Variants in NOL9 observed in about 807,000 individuals in gnomAD.
NOL9 encodes polynucleotide 5'-hydroxyl-kinase NOL9.
A neutral mutation model predicts 67.9 loss-of-function variants in NOL9; 28 were observed. The observed-to-expected ratio is 0.41, with a 90% CI of 0.31 to 0.57. NOL9 has a LOEUF of 0.57. NOL9 is among the 20% of genes least tolerant of loss of function. The pLI is 0.25. For missense variants in NOL9, 777 were observed against 897.0 expected, an observed-to-expected ratio of 0.87 and a Z score of 1.71; for synonymous variants, 356 against 352.2, an observed-to-expected ratio of 1.01 and a Z score of -0.12.
In NOL9 at chr1:6,553,632, G is replaced by C. The variant is rs1204327200; in HGVS notation, c.396+475C>G. On this transcript the variant is annotated intron_variant, in intron 1 of 11. Transcript: ENST00000377705. ...CGAGGCGGGTGGATCACAAGGTCAG[G>C]AGATCGAGACTATCCTGGCTAACAT... Among the ~76,000 whole-genome samples, 12 of 151,994 alleles carry C rather than the reference G, an allele frequency of 7.9e-5. No individual in the cohort carries two copies. In the East Asian group the frequency reaches 1.9e-3, roughly 25 times the overall value.
Position 6,533,381 on chromosome 1 carries a change from CAAG to C in NOL9, c.1133_1135del (p.Ser378del), listed in dbSNP as rs1399375832. 16 of 1,613,142 alleles carry C rather than the reference CAAG, an allele frequency of 9.9e-6. No homozygotes were observed. Among genetic ancestry groups the C allele is most frequent in the African/African-American group, 5.3e-5 (4 of 74,912 alleles). On this transcript the variant is annotated inframe_deletion, in exon 7 of 12. Coordinates refer to ENST00000377705, the MANE Select transcript of NOL9 (RefSeq NM_024654.5). Reference sequence around the variant, plus strand: ...AATATAATTCTCATAGTTGTTTTTACAAGAAGGTTTCCCATAATATACCATCTT... The same window carrying C: ...AATATAATTCTCATAGTTGTTTTTACAAGGTTTCCCATAATATACCATCTT...
Position 6,554,503 on chromosome 1 carries a change from G to A in NOL9, c.-1C>T, listed in dbSNP as rs776144252. The A allele has an allele frequency of 5.2e-6, 8 of 1,534,376 alleles. No homozygotes were observed. Among genetic ancestry groups the A allele is most frequent in the Admixed American group, 4.1e-5 (2 of 49,176 alleles). ...TTAGCAGCAGTCCCGAGTCCGCCAT[G>A]CTGGGTCCTCAGGGCCTACCGCGCG... On this transcript the variant is annotated 5_prime_UTR_variant, in exon 1 of 12. Transcript: ENST00000377705.
chr1:6,535,508 T>C (rs1392825839), intron 6 of NOL9, among the ~76,000 whole-genome samples: 1 of 152,176 alleles, frequency 6.6e-6, no homozygotes, highest in African/African-American at 2.4e-5. Flanking sequence ...AGGAGCTCAG[T>C]AGACAGACAG....
chr1:6,553,701 G>C (rs1639594887), intron 1 of NOL9, among the ~76,000 whole-genome samples: 1 of 151,974 alleles, frequency 6.6e-6, no homozygotes, highest in Non-Finnish European at 1.5e-5. Context: ...ATATAGCCGG[G>C]CGAGGTGGCA....
At chr1:6,552,721 C>T (rs1248012332) in intron 1 of NOL9, among the ~76,000 whole-genome samples, 2 of 150,808 alleles carry the variant, frequency 1.3e-5, no homozygotes, top group African/African-American at 2.4e-5. Flanking sequence ...CCACCCACCT[C>T]AGCCTCCAAA....
chr1:6,542,765 T>C (rs1639327939), intron 5 of NOL9, among the ~76,000 whole-genome samples: 1 of 152,102 alleles, frequency 6.6e-6, no homozygotes. Flanking sequence ...CTAATTTTTG[T>C]ATTTTTAGCA....
chr1:6,542,219 T>TG (rs1317027281), intron 5 of NOL9, among the ~76,000 whole-genome samples: 3 of 150,578 alleles, frequency 2.0e-5, no homozygotes, highest in Non-Finnish European at 2.9e-5. Context: ...TGGGCTGCAG[T>TG]GCACAATCTC....
At chr1:6,542,041 A>G (rs1173128027) in intron 5 of NOL9, 114 bp from the exon 6 acceptor site, 2 of 557,278 alleles carry the variant, frequency 3.6e-6, no homozygotes, top group African/African-American at 1.9e-5. Context: ...TCCACCACAC[A>G]CAGCACTTTA....
Position 6,552,974 on chromosome 1 carries a change from G to A in NOL9, c.396+1133C>T, listed in dbSNP as rs190808271. 3.8e-3 allele frequency among the ~76,000 whole-genome samples: 571 copies of A among 152,230 alleles called. 1 individual carries two copies. Among genetic ancestry groups the A allele is most frequent in the Non-Finnish European group, 6.5e-3 (442 of 68,018 alleles). ...TTACAGGCGTGTGCTACCATGCCCAGCTAATTTTTGTATTTTTAGTAGAGA... is the reference window on the plus strand; with the variant it reads ...TTACAGGCGTGTGCTACCATGCCCAACTAATTTTTGTATTTTTAGTAGAGA... On this transcript the variant is annotated intron_variant, in intron 1 of 11. Coordinates refer to ENST00000377705, the MANE Select transcript of NOL9 (RefSeq NM_024654.5).
intron 6 of NOL9, among the ~76,000 whole-genome samples, chr1:6,536,474 G>A (rs545319748): frequency 6.6e-6 from 1 of 152,336 alleles, no homozygotes; most frequent in Admixed American, 6.5e-5. Context: ...TGAGGTTGCA[G>A]TAAGCTATGA....
intron 2 of NOL9, among the ~76,000 whole-genome samples, chr1:6,549,995 G>A (rs1359375249): frequency 1.3e-5 from 2 of 151,992 alleles, no homozygotes; most frequent in Non-Finnish European, 2.9e-5. Context: ...ATACCACAAC[G>A]TCCTTAGCAC....
chr1:6,529,050 T>C lies in NOL9; in HGVS notation c.1769A>G (p.Tyr590Cys), dbSNP rs902591112. The change falls in exon 10 of 12, where the codon TAC (tyrosine) becomes TGC (cysteine). Residue 590 changes from tyrosine to cysteine, a missense_variant. Transcript: ENST00000377705. The part of the protein sequence containing the change: ...LCKIQDDVRG[Y>C]TNGPILLAQT... ...GGCAAGCAGGATGGGCCCATTCGTG[T>C]ATCCTCTGACGTCATCCTGGATCTT... The C allele has an allele frequency of 3.7e-6, 6 of 1,614,148 alleles. No homozygotes were observed. The highest frequency in any genetic ancestry group is 4.2e-6 in the Non-Finnish European group (5 of 1,180,026).
At position 6,536,391 on chromosome 1, in the gene NOL9, G is replaced by C. The variant is rs184764694; in HGVS notation, c.1076-2950C>G. Among the ~76,000 whole-genome samples the C allele has an allele frequency of 9.2e-4, 140 of 152,168 alleles. 1 individual carries two copies. Among genetic ancestry groups the C allele is most frequent in the Non-Finnish European group, 1.9e-3 (126 of 68,004 alleles). ...AAATAAAAAAATAAAAGTTAGACAG[G>C]TGTGGTGGCTAATAATAGCTGTCAT... On this transcript the variant is annotated intron_variant, in intron 6 of 11. Coordinates refer to ENST00000377705, the MANE Select transcript of NOL9 (RefSeq NM_024654.5).
At position 6,541,812 on chromosome 1, in the gene NOL9, G is replaced by A. The variant is rs550814048; in HGVS notation, c.1075+18C>T. 2.8e-6 allele frequency: 4 copies of A among 1,445,302 alleles called. No homozygotes were observed. Among genetic ancestry groups the A allele is most frequent in the Non-Finnish European group, 3.8e-6 (4 of 1,058,138 alleles). The allele number at this position is 1,445,302 out of a possible 1,614,324, so 89.5% of individuals were successfully genotyped here. ...AATTTCATAAAACCAAGACATTTGA[G>A]AAATATGTAATACATACCCAGAACT... On this transcript the variant is annotated intron_variant, in intron 6 of 11. Transcript: ENST00000377705.
In NOL9 at chr1:6,550,622, G is replaced by A; in HGVS notation, c.397-7C>T. On this transcript the variant is annotated splice_polypyrimidine_tract_variant and splice_region_variant and intron_variant, in intron 1 of 11. Coordinates refer to ENST00000377705, the MANE Select transcript of NOL9 (RefSeq NM_024654.5). Reference sequence around the variant, plus strand: ...TCCCACTAAAAGTAAAACCCTAGCAGGGAGAGAAAACAGAAAAAACATTAT... The same window carrying A: ...TCCCACTAAAAGTAAAACCCTAGCAAGGAGAGAAAACAGAAAAAACATTAT... The A allele has an allele frequency of 6.2e-7, 1 of 1,605,870 alleles. No individual in the cohort carries two copies. Among genetic ancestry groups the A allele is most frequent in the Non-Finnish European group, 8.5e-7 (1 of 1,173,204 alleles).
intron 5 of NOL9, among the ~76,000 whole-genome samples, chr1:6,542,582 C>G (rs1456802436): frequency 4.6e-5 from 7 of 151,706 alleles, no homozygotes; most frequent in Non-Finnish European, 7.4e-5. Flanking sequence ...CTCAGCCTCC[C>G]AAGTAGCTGG....
rs1001328642 is a variant in NOL9 at position 6,526,890 on chromosome 1, G to A, written c.1826-61C>T. On this transcript the variant is annotated intron_variant, in intron 10 of 11. Transcript: ENST00000377705. Reference sequence around the variant, plus strand: ...TTGGAAAACATCAAACTTCTCCATCGTTAGAAACTGCAGAATGGTTTTGAA... The same window carrying A: ...TTGGAAAACATCAAACTTCTCCATCATTAGAAACTGCAGAATGGTTTTGAA... 42 of 1,506,052 alleles carry A rather than the reference G, an allele frequency of 2.8e-5. 1 individual carries two copies. The highest frequency in any genetic ancestry group is 6.6e-5 in the Admixed American group (3 of 45,474). The allele number at this position is 1,506,052 out of a possible 1,614,324, so 93.3% of individuals were successfully genotyped here. A position where few individuals can be genotyped will look rare whatever the true frequency, so the allele number is the denominator to read the frequency against.
At chr1:6,530,635 C>T (rs1639003325) in intron 9 of NOL9, among the ~76,000 whole-genome samples, 1 of 152,254 alleles carries the variant, frequency 6.6e-6, no homozygotes, top group African/African-American at 2.4e-5. Flanking sequence ...GGAGCCCACA[C>T]CACCATCGGG....
intron 4 of NOL9, 61 bp downstream of exon 4, chr1:6,544,984 C>T: frequency 1.9e-6 from 3 of 1,614,092 alleles, no homozygotes; most frequent in Non-Finnish European, 2.5e-6. Context: ...CGAATTATGA[C>T]TAATCTTCCT....
Sources: gnomAD v4.1 joint callset for allele counts (sites outside exome capture counted in the v4.1 genomes callset) on GRCh38, gnomAD v4.1.1 for gene constraint, MANE v1.5 for transcripts, NCBI Gene and HGNC (gene_info 2026-07-23, HGNC 2026-07-21) for gene names.